The following CXCL13 variants were observed in gnomAD, a reference collection of about 807,000 sequenced individuals.
CXCL13 encodes the protein C-X-C motif chemokine ligand 13.
A neutral mutation model predicts 12.2 loss-of-function variants in CXCL13; 7 were observed. The observed-to-expected ratio is 0.57, with a 90% CI of 0.33 to 1.07. The LOEUF (loss-of-function observed/expected upper bound fraction) is 1.07, where lower values mean the gene tolerates loss of function less well. CXCL13 is among the 50% of genes least tolerant of loss of function. CXCL13 has a pLI of 0.04. For synonymous variants in CXCL13, 47 were observed against 42.4 expected (o/e 1.11, Z -0.42); for missense variants, 113 against 127.4 (o/e 0.89, Z 0.55).
chr4:77,518,720 C>G (rs900348441), intron 1 of CXCL13, among the ~76,000 whole-genome samples: 1 of 152,124 alleles, frequency 6.6e-6, no homozygotes, highest in Admixed American at 6.5e-5. Flanking sequence ...AAGTTTTTAA[C>G]TTCTTTGCCT....
At chr4:77,532,924 A>C (rs1331949054) in intron 1 of CXCL13, among the ~76,000 whole-genome samples, 1 of 151,900 alleles carries the variant, frequency 6.6e-6, no homozygotes, top group Non-Finnish European at 1.5e-5. Context: ...TGATTATTCT[A>C]GTTTGCCATT....
chr4:77,571,449 G>A (rs1483509682), intron 1 of CXCL13, among the ~76,000 whole-genome samples: 1 of 151,074 alleles, frequency 6.6e-6, no homozygotes. Context: ...CTAGCTCAAG[G>A]TTTGTAAACA....
intron 1 of CXCL13, among the ~76,000 whole-genome samples, chr4:77,590,575 T>C (rs1416468330): frequency 2.0e-5 from 3 of 152,348 alleles, no homozygotes; most frequent in Non-Finnish European, 2.9e-5. Flanking sequence ...TCCATGGACA[T>C]AAGTCACATG....
intron 1 of CXCL13, among the ~76,000 whole-genome samples, chr4:77,564,761 A>G (rs1671533801): frequency 6.6e-6 from 1 of 152,202 alleles, no homozygotes; most frequent in African/African-American, 2.4e-5. Flanking sequence ...TCCCCTACCA[A>G]GTAAAATGGC....
At chr4:77,609,155 C>G (rs1466885749) in intron 2 of CXCL13, among the ~76,000 whole-genome samples, 2 of 152,180 alleles carry the variant, frequency 1.3e-5, no homozygotes, top group Non-Finnish European at 2.9e-5. Flanking sequence ...AAGTGTCTAT[C>G]TGAAAACCCA....
chr4:77,528,534 A>T (rs1445213922), intron 1 of CXCL13, among the ~76,000 whole-genome samples: 1 of 152,192 alleles, frequency 6.6e-6, no homozygotes, highest in Non-Finnish European at 1.5e-5. Flanking sequence ...GCCACTGATG[A>T]TGAGCATTTT....
chr4:77,527,095 C>G (rs892286378), intron 1 of CXCL13, among the ~76,000 whole-genome samples: 1 of 152,182 alleles, frequency 6.6e-6, no homozygotes, highest in African/African-American at 2.4e-5. Flanking sequence ...ATATCACTGA[C>G]ATTTCACCGA....
At chr4:77,610,173 AT>A (rs201437912) in intron 2 of CXCL13, among the ~76,000 whole-genome samples, 11,239 of 150,140 alleles carry the variant, frequency 0.075, 1,308 homozygotes, top group African/African-American at 0.25. Context: ...ATTGCACTGA[AT>A]TTTTTTTTTT....
intron 1 of CXCL13, among the ~76,000 whole-genome samples, chr4:77,594,253 T>C (rs1726690869): frequency 6.6e-6 from 1 of 152,140 alleles, no homozygotes. Context: ...GCCAACTTGC[T>C]TCAAGTCCAT....
At chr4:77,584,296 G>A (rs1320266058) in intron 1 of CXCL13, among the ~76,000 whole-genome samples, 1 of 152,138 alleles carries the variant, frequency 6.6e-6, no homozygotes, top group African/African-American at 2.4e-5. Context: ...TGTTCTTATT[G>A]CCTTGGTCTA....
chr4:77,594,759 G>A (rs941577444), intron 1 of CXCL13, among the ~76,000 whole-genome samples: 27 of 152,306 alleles, frequency 1.8e-4, no homozygotes, highest in African/African-American at 6.5e-4. Flanking sequence ...TGTCGGGGTA[G>A]GAGGCTGGGG....
chr4:77,601,368 T>C (rs1364824469), upstream of CXCL13, among the ~76,000 whole-genome samples: 1 of 152,082 alleles, frequency 6.6e-6, no homozygotes, highest in Non-Finnish European at 1.5e-5. Flanking sequence ...TTTATATAAA[T>C]TATTCCTCAA....
chr4:77,591,117 A>G lies in CXCL13; in HGVS notation c.-42-14707A>G, dbSNP rs1053182469. 2.0e-5 allele frequency among the ~76,000 whole-genome samples: 3 copies of G among 152,216 alleles called. No individual in the cohort carries two copies. In the South Asian group the frequency reaches 6.2e-4, roughly 32 times the overall value. ...TGGTCTCAAACTCTAACCTCAAGTG[A>G]TCTACCCGCCTGGGCGTACCATTTA... On this transcript the variant is annotated intron_variant, in intron 1 of 4. Transcript: ENST00000286758.
intron 1 of CXCL13, among the ~76,000 whole-genome samples, chr4:77,595,726 G>A (rs561145101): frequency 6.6e-6 from 1 of 152,192 alleles, no homozygotes; most frequent in East Asian, 1.9e-4. Flanking sequence ...TTTTGCTCTA[G>A]CCTTCTTATC....
chr4:77,600,684 G>A (rs944525225), intron 1 of CXCL13, among the ~76,000 whole-genome samples: 3 of 152,166 alleles, frequency 2.0e-5, no homozygotes, highest in Non-Finnish European at 2.9e-5. Flanking sequence ...GGTATGTGGT[G>A]GCCTCACTGT....
chr4:77,562,516 G>A (rs1725839162), intron 1 of CXCL13, among the ~76,000 whole-genome samples: 1 of 152,058 alleles, frequency 6.6e-6, no homozygotes, highest in Non-Finnish European at 1.5e-5. Context: ...TCAGCATTCT[G>A]TATCTGGCTA....
rs536536822 is a variant in CXCL13 at position 77,538,336 on chromosome 4, GT to G, written c.-43+26558del. On this transcript the variant is annotated intron_variant, in intron 1 of 4. Transcript: ENST00000286758. ...GTTTTTTTTTGTTTGTTTTGGTTTG[GT>G]TTTTTTTTTAATCAGTGAAGAATGA... is the stretch of plus-strand genomic sequence containing the variant. Among the ~76,000 whole-genome samples, 123 of 144,550 alleles carry G rather than the reference GT, an allele frequency of 8.5e-4. No individual in the cohort carries two copies. In the South Asian group the frequency reaches 8.6e-3, roughly 10 times the overall value. The allele number at this position is 144,550 out of a possible 152,430, so 94.8% of individuals were successfully genotyped here.
At chr4:77,580,732 CT>C (rs1360149363) in intron 1 of CXCL13, among the ~76,000 whole-genome samples, 2 of 113,844 alleles carry the variant, frequency 1.8e-5, no homozygotes, top group Admixed American at 8.8e-5. Flanking sequence ...TCCCCTCCCC[CT>C]CTCCTCCCCT....
At chr4:77,530,530 C>T (rs1227469465) in intron 1 of CXCL13, among the ~76,000 whole-genome samples, 1 of 152,086 alleles carries the variant, frequency 6.6e-6, no homozygotes, top group African/African-American at 2.4e-5. Context: ...AGGAATTTAT[C>T]CATTTCGTCT....
Sources: gnomAD v4.1 joint callset for allele counts (sites outside exome capture counted in the v4.1 genomes callset) on GRCh38, gnomAD v4.1.1 for gene constraint, MANE v1.5 for transcripts, NCBI Gene and HGNC (gene_info 2026-07-23, HGNC 2026-07-21) for gene names.